Variants in LRP2 observed in about 807,000 individuals in gnomAD.
LRP2 encodes the protein LDL receptor related protein 2, also known as low-density lipoprotein receptor-related protein 2.
In LRP2, 172 loss-of-function variants were observed where a neutral mutation model predicts 531.0. The observed-to-expected ratio is 0.32, with a 90% CI of 0.29 to 0.37. LRP2 has a LOEUF of 0.37. Among genes scored for constraint, LRP2 ranks in the 10% least tolerant of loss-of-function variants. LRP2 has a pLI of 1.00. For synonymous variants in LRP2, 1,992 were observed against 2,027.6 expected, an observed-to-expected ratio of 0.98 and a Z score of 0.47; for missense variants, 5,167 against 5,868.3, an observed-to-expected ratio of 0.88 and a Z score of 3.90.
At position 169,214,566 on chromosome 2, in the gene LRP2, T is replaced by C. The variant is rs375663531; in HGVS notation, c.5827-696A>G. ...GAGACACAGTGTGGCTTTACTGCCA[T>C]GGCTGAAAAGGGAGCCCAGCAGTTA... On this transcript the variant is annotated intron_variant, in intron 35 of 78. Coordinates refer to ENST00000649046, the MANE Select transcript of LRP2 (RefSeq NM_004525.3). Among the ~76,000 whole-genome samples, 14 of 152,290 alleles carry C rather than the reference T, an allele frequency of 9.2e-5. No individual in the cohort carries two copies. In the East Asian group the frequency reaches 1.5e-3, roughly 17 times the overall value.
intron 65 of LRP2, 37 bp downstream of exon 65, chr2:169,156,237 C>T (rs1333738937): frequency 3.7e-6 from 6 of 1,612,848 alleles, no homozygotes; most frequent in Non-Finnish European, 5.1e-6. Flanking sequence ...ATTTATTTCC[C>T]CAAAAGTCAA....
chr2:169,308,230 T>A (rs983484258), intron 3 of LRP2, among the ~76,000 whole-genome samples: 58 of 152,256 alleles, frequency 3.8e-4, no homozygotes, highest in African/African-American at 1.2e-3. Flanking sequence ...CCTTTTTTAT[T>A]ATTATTATTT....
At chr2:169,208,795 C>T (rs971630310) in intron 38 of LRP2, among the ~76,000 whole-genome samples, 5 of 152,128 alleles carry the variant, frequency 3.3e-5, no homozygotes, top group African/African-American at 9.7e-5. Flanking sequence ...ACTCACCAAG[C>T]TTGATTCAAT....
At chr2:169,348,343 G>C (rs1685752474) in intron 1 of LRP2, among the ~76,000 whole-genome samples, 1 of 152,158 alleles carries the variant, frequency 6.6e-6, no homozygotes, top group African/African-American at 2.4e-5. Flanking sequence ...ATGCCCAGGA[G>C]ACAAGTGGCC....
chr2:169,128,584 T>G lies in LRP2; in HGVS notation c.*79A>C. 7.2e-7 allele frequency: 1 copy of G among 1,392,814 alleles called. No homozygotes were observed. The highest frequency in any genetic ancestry group is 1.0e-6 in the Non-Finnish European group (1 of 980,734). 86.3% of individuals were successfully genotyped at this position (1,392,814 alleles called of 1,614,324 possible). ...TATATTTTTTTCATAAAGTACTGAA[T>G]GTTAACTTTTTTCATCTGTTTGTAA... On this transcript the variant is annotated 3_prime_UTR_variant, in exon 79 of 79. Transcript: ENST00000649046.
intron 1 of LRP2, among the ~76,000 whole-genome samples, chr2:169,322,699 C>T (rs1684939416): frequency 6.6e-6 from 1 of 152,082 alleles, no homozygotes; most frequent in Non-Finnish European, 1.5e-5. Flanking sequence ...TGTTAGTAAT[C>T]CAACATAATA....
chr2:169,154,511 C>G lies in LRP2; in HGVS notation c.12244G>C (p.Glu4082Gln). The change falls in exon 66 of 79, where the codon GAA becomes CAA. Residue 4082 changes from glutamate (E) to glutamine (Q), a missense_variant. Coordinates refer to ENST00000649046, the MANE Select transcript of LRP2 (RefSeq NM_004525.3). ...TCATAATCAACAGCTTGGATATATT[C>G]CTCATCTTGAAGATACTCTGAGAAC... Reference protein sequence around the residue: ...ERFSEYLQDEEYIQAVDYDWD... With the variant: ...ERFSEYLQDEQYIQAVDYDWD... 2.5e-6 allele frequency: 4 copies of G among 1,612,580 alleles called. No individual in the cohort carries two copies. The highest frequency in any genetic ancestry group is 3.4e-6 in the Non-Finnish European group (4 of 1,178,728).
At chr2:169,142,191 G>A (rs1307966214) in intron 71 of LRP2, among the ~76,000 whole-genome samples, 1 of 152,206 alleles carries the variant, frequency 6.6e-6, no homozygotes, top group Admixed American at 6.5e-5. Context: ...ATCACCCACA[G>A]CGTTTGGGAC....
At position 169,222,047 on chromosome 2, in the gene LRP2, A is replaced by G. The variant is rs185842976; in HGVS notation, c.5539-1484T>C. Among the ~76,000 whole-genome samples, 14 of 152,290 alleles carry G rather than the reference A, an allele frequency of 9.2e-5. No individual in the cohort carries two copies. The East Asian group carries it at 2.7e-3, about 29-fold the overall frequency. On this transcript the variant is annotated intron_variant, in intron 33 of 78. Transcript: ENST00000649046. ...ATTTTCAAGTTGGAGTTAAACACGA[A>G]CTACTCTTAGGCAGGAAGGAATATT... is the stretch of plus-strand genomic sequence containing the variant.
chr2:169,173,387 G>A (rs1687072767), intron 56 of LRP2, among the ~76,000 whole-genome samples, 163 bp from the exon 57 acceptor site: 1 of 152,216 alleles, frequency 6.6e-6, no homozygotes, highest in Non-Finnish European at 1.5e-5. Context: ...TTTACCATGA[G>A]CAGAAAAATA....
intron 1 of LRP2, among the ~76,000 whole-genome samples, chr2:169,348,515 A>G (rs1338370973): frequency 1.3e-5 from 2 of 152,142 alleles, no homozygotes; most frequent in Non-Finnish European, 2.9e-5. Flanking sequence ...CTCTTCAAAG[A>G]GGGCCTTTTG....
At chr2:169,360,742 A>G (rs1331888098) in intron 1 of LRP2, among the ~76,000 whole-genome samples, 2 of 152,320 alleles carry the variant, frequency 1.3e-5, no homozygotes, top group East Asian at 3.9e-4. Flanking sequence ...GTTATTAATG[A>G]TCTCTCCTTG....
chr2:169,225,313 G>A lies in LRP2; in HGVS notation c.5535C>T (p.Ile1845=), dbSNP rs772030872. The part of the protein sequence containing the change: ...LYSTNPRTQS[I]EVLTLHGDIR... Reference sequence around the variant, plus strand: ...AGTAGTATTATGGAATCATTACCTCGATTGACTGAGTTCTAGGATTGGTAG... The same window carrying A: ...AGTAGTATTATGGAATCATTACCTCAATTGACTGAGTTCTAGGATTGGTAG... Residue 1845 remains isoleucine (I), a synonymous_variant, in exon 33 of 79, where the codon ATC becomes ATT. Coordinates refer to ENST00000649046, the MANE Select transcript of LRP2 (RefSeq NM_004525.3). 10 of 1,613,494 alleles carry A rather than the reference G, an allele frequency of 6.2e-6. No individual in the cohort carries two copies. The highest frequency in any genetic ancestry group is 1.7e-4 in the Middle Eastern group (1 of 6,050).
At position 169,257,264 on chromosome 2, in the gene LRP2, A is replaced by G; in HGVS notation, c.2514-15T>C. 6.2e-7 allele frequency: 1 copy of G among 1,611,734 alleles called. No homozygotes were observed. The highest frequency in any genetic ancestry group is 8.5e-7 in the Non-Finnish European group (1 of 1,178,466). On this transcript the variant is annotated splice_polypyrimidine_tract_variant and intron_variant, in intron 17 of 78. Transcript: ENST00000649046. ...AGAATAGATACCTAGAAAAAGCAGT[A>G]GTAAATTAAGGCTGTTAACACTGGG...
chr2:169,152,967 A>G lies in LRP2; in HGVS notation c.12296-3T>C, dbSNP rs1259948162. The G allele has an allele frequency of 1.2e-6, 2 of 1,613,458 alleles. No homozygotes were observed. Among genetic ancestry groups the G allele is most frequent in the Non-Finnish European group, 1.7e-6 (2 of 1,179,850 alleles). ...TCGCACAGTGTAATACACAACACCT[A>G]CAGAGGAAGACACACAGGTCAGTTT... On this transcript the variant is annotated splice_region_variant and splice_polypyrimidine_tract_variant and intron_variant, in intron 66 of 78. Transcript: ENST00000649046.
rs759522827 is a variant in LRP2, at chr2:169,292,258, C to A, written c.764G>T (p.Gly255Val). 14 of 1,604,960 alleles carry A rather than the reference C, an allele frequency of 8.7e-6. No individual in the cohort carries two copies. The highest frequency in any genetic ancestry group is 1.6e-4 in the Middle Eastern group (1 of 6,064). Residue 255 changes from glycine to valine, a missense_variant, in exon 7 of 79, where the codon GGA becomes GTA. Gly to Val is a moderately radical substitution (Grantham distance 109). Transcript: ENST00000649046. ...GAATCTCTTCCCCTCCTTACCACAT[C>A]CATCTTCATCTCCATTATCTTTACA... ...DDCKDNGDEDGCESGPHDVHK... is the reference protein window; with the variant it reads ...DDCKDNGDEDVCESGPHDVHK...
intron 58 of LRP2, among the ~76,000 whole-genome samples, chr2:169,171,471 T>C (rs1188239611): frequency 6.6e-6 from 1 of 152,184 alleles, no homozygotes; most frequent in Non-Finnish European, 1.5e-5. Flanking sequence ...GTCAATACCT[T>C]CGACTGGGAG....
chr2:169,137,662 A>G (rs1287830036), intron 75 of LRP2, among the ~76,000 whole-genome samples, 169 bp from the exon 76 acceptor site: 2 of 151,910 alleles, frequency 1.3e-5, no homozygotes, highest in Non-Finnish European at 2.9e-5. Flanking sequence ...AAAAAAAAAA[A>G]AAAAAAGGCC....
chr2:169,168,565 C>T lies in LRP2; in HGVS notation c.11609G>A (p.Gly3870Asp). ...KCDGDDDCGD[G>D]SDEELHLCLD... ...GCACAGGTGAAGTTCTTCATCTGAA[C>T]CATCGCCACAGTCATCATCGCCATC... is the stretch of plus-strand genomic sequence containing the variant. Residue 3870 changes from glycine to aspartate, a missense_variant, in exon 61 of 79, where the codon GGT (glycine) becomes GAT (aspartate). Around this residue, in one of 6 missense-constraint regions of LRP2, gnomAD observed 564 missense variants for 747.7 expected, o/e 0.75. Transcript: ENST00000649046. The T allele has an allele frequency of 6.2e-7, 1 of 1,614,152 alleles. No individual in the cohort carries two copies. The highest frequency in any genetic ancestry group is 8.5e-7 in the Non-Finnish European group (1 of 1,180,006).
Sources: gnomAD v4.1 joint callset for allele counts (sites outside exome capture counted in the v4.1 genomes callset) on GRCh38, gnomAD v4.1.1 for gene constraint, gnomAD v4.1.1 regional missense constraint, MANE v1.5 for transcripts, NCBI Gene and HGNC (gene_info 2026-07-23, HGNC 2026-07-21) for gene names.